EIF4G3: variants seen among roughly 807,000 people sequenced by gnomAD.
EIF4G3 encodes the protein eukaryotic translation initiation factor 4 gamma 3.
In EIF4G3, 34 loss-of-function variants were observed where a neutral mutation model predicts 186.4. The observed-to-expected ratio is 0.18, with a 90% CI of 0.14 to 0.24. The LOEUF is 0.24. Among genes scored for constraint, EIF4G3 ranks in the 10% least tolerant of loss-of-function variants. The pLI is 1.00. For synonymous variants in EIF4G3, 673 were observed against 679.5 expected (o/e 0.99, Z 0.15); for missense variants, 1,536 against 1,948.5 (o/e 0.79, Z 3.99).
At chr1:20,847,325 T>C (rs1370167746) in intron 29 of EIF4G3, among the ~76,000 whole-genome samples, 1 of 152,182 alleles carries the variant, frequency 6.6e-6, no homozygotes, top group Non-Finnish European at 1.5e-5. Flanking sequence ...GCAGGCACAG[T>C]TGCTTTGTAC....
intron 30 of EIF4G3, among the ~76,000 whole-genome samples, chr1:20,837,425 C>T (rs1034176762): frequency 2.6e-5 from 4 of 152,106 alleles, no homozygotes; most frequent in Admixed American, 1.3e-4. Context: ...AGGATGGTCT[C>T]GATCTCCTGA....
chr1:20,938,991 C>T (rs1420596982), intron 14 of EIF4G3, among the ~76,000 whole-genome samples: 1 of 151,910 alleles, frequency 6.6e-6, no homozygotes, highest in Non-Finnish European at 1.5e-5. Context: ...CCTATAATCC[C>T]AGCTACTCAG....
intron 14 of EIF4G3, among the ~76,000 whole-genome samples, chr1:20,921,692 G>A (rs950714028): frequency 2.6e-5 from 4 of 152,218 alleles, no homozygotes; most frequent in Non-Finnish European, 5.9e-5. Context: ...TGCCAGGTGA[G>A]GAGATAATGC....
chr1:20,999,630 T>A (rs980635954), intron 6 of EIF4G3: 19 of 398,740 alleles, frequency 4.8e-5, no homozygotes, highest in Non-Finnish European at 8.7e-5. Context: ...ATTACATATA[T>A]ATAAAAACAA....
At chr1:20,937,808 T>A (rs1573144205) in intron 14 of EIF4G3, among the ~76,000 whole-genome samples, 1 of 152,264 alleles carries the variant, frequency 6.6e-6, no homozygotes, top group South Asian at 2.1e-4. Flanking sequence ...ATACAGAGAA[T>A]AAACAATAAA....
chr1:20,954,024 A>G (rs138776477), intron 12 of EIF4G3, among the ~76,000 whole-genome samples: 78 of 152,348 alleles, frequency 5.1e-4, no homozygotes, highest in African/African-American at 1.7e-3. Flanking sequence ...CTGGCCCACT[A>G]GAGAAAATAT....
chr1:21,106,326 G>A (rs914703902), intron 2 of EIF4G3, among the ~76,000 whole-genome samples: 2 of 152,114 alleles, frequency 1.3e-5, no homozygotes, highest in East Asian at 3.8e-4. Context: ...GATTATAGCA[G>A]TTGTCCAAAT....
chr1:21,032,220 A>T lies in EIF4G3; in HGVS notation c.-67+18646T>A, dbSNP rs148100056. 4.6e-3 allele frequency among the ~76,000 whole-genome samples: 697 copies of T among 152,342 alleles called. 5 individuals carry two copies. Among genetic ancestry groups the T allele is most frequent in the African/African-American group, 0.016 (662 of 41,580 alleles). On this transcript the variant is annotated intron_variant, in intron 4 of 36. Coordinates refer to ENST00000602326, the MANE Select transcript of EIF4G3 (RefSeq NM_001391906.1). ...TTCCCTGCAGACAAGCCGATTGCTTATAATTTTTTATCCTCATAAAATCCA... is the reference window on the plus strand; with the variant it reads ...TTCCCTGCAGACAAGCCGATTGCTTTTAATTTTTTATCCTCATAAAATCCA...
intron 3 of EIF4G3, among the ~76,000 whole-genome samples, chr1:21,072,750 A>G (rs977344768): frequency 1.3e-5 from 2 of 152,328 alleles, no homozygotes; most frequent in Middle Eastern, 3.4e-3. Context: ...AATGAAAGTC[A>G]TAAGCGTTTT....
At chr1:20,902,106 C>G (rs545614325) in intron 15 of EIF4G3, among the ~76,000 whole-genome samples, 2 of 151,464 alleles carry the variant, frequency 1.3e-5, no homozygotes, top group South Asian at 2.1e-4. Flanking sequence ...GCTCTGTCAC[C>G]CAGGCTGGAG....
intron 3 of EIF4G3, among the ~76,000 whole-genome samples, chr1:21,078,876 T>C (rs572997319): frequency 1.7e-4 from 26 of 152,200 alleles, no homozygotes; most frequent in Admixed American, 3.9e-4. Flanking sequence ...TCCCAGCTAC[T>C]ATGGAGGCTG....
chr1:20,815,486 G>A (rs201053204), intron 34 of EIF4G3, among the ~76,000 whole-genome samples: 65,727 of 143,484 alleles, frequency 0.46, 11,797 homozygotes, highest in East Asian at 0.64. Context: ...CTGTCTGGGA[G>A]GTGAGGAGCG....
chr1:20,989,188 C>A (rs2080395053), intron 7 of EIF4G3, among the ~76,000 whole-genome samples: 1 of 149,494 alleles, frequency 6.7e-6, no homozygotes, highest in Non-Finnish European at 1.5e-5. Context: ...TCATGGATTA[C>A]TATGAGGGAT....
intron 29 of EIF4G3, among the ~76,000 whole-genome samples, chr1:20,844,119 G>A (rs191827099): frequency 6.6e-5 from 10 of 152,258 alleles, no homozygotes; most frequent in South Asian, 2.1e-4. Context: ...ATGAACATAC[G>A]TGTGCATGTG....
chr1:20,943,025 T>G (rs946974861), intron 13 of EIF4G3, among the ~76,000 whole-genome samples: 2 of 152,154 alleles, frequency 1.3e-5, no homozygotes, highest in Non-Finnish European at 2.9e-5. Flanking sequence ...TTGCTGGGCT[T>G]GGTGGCACAT....
intron 2 of EIF4G3, among the ~76,000 whole-genome samples, chr1:21,160,938 A>G (rs2097756648): frequency 6.6e-6 from 1 of 152,160 alleles, no homozygotes; most frequent in African/African-American, 2.4e-5. Flanking sequence ...TGGGAGGCAA[A>G]GGTGGGTGGA....
At chr1:20,878,951 G>A (rs1014465561) in intron 20 of EIF4G3, among the ~76,000 whole-genome samples, 3 of 152,106 alleles carry the variant, frequency 2.0e-5, no homozygotes, top group South Asian at 2.1e-4. Flanking sequence ...TAGAATCAAC[G>A]TGTTTTTAAA....
chr1:21,155,262 C>CAAAAAA (rs34182850), intron 2 of EIF4G3, among the ~76,000 whole-genome samples: 71 of 43,148 alleles, frequency 1.6e-3, no homozygotes, highest in South Asian at 4.1e-3. Context: ...GACTCTGTCT[C>CAAAAAA]AAAAAAAAAA....
At chr1:21,048,852 C>T (rs1006963162) in intron 4 of EIF4G3, among the ~76,000 whole-genome samples, 2 of 152,110 alleles carry the variant, frequency 1.3e-5, no homozygotes, top group Non-Finnish European at 2.9e-5. Context: ...CCTAAAACTA[C>T]CACAAAAAAT....
Sources: gnomAD v4.1 joint callset for allele counts (sites outside exome capture counted in the v4.1 genomes callset) on GRCh38, gnomAD v4.1.1 for gene constraint, MANE v1.5 for transcripts, NCBI Gene and HGNC (gene_info 2026-07-23, HGNC 2026-07-21) for gene names.